Variants in SRRM3 observed in about 807,000 individuals in gnomAD.
The protein encoded by SRRM3 is serine/arginine repetitive matrix 3.
A neutral mutation model predicts 66.2 loss-of-function variants in SRRM3; 27 were observed. The ratio of observed to expected loss-of-function variants is 0.41; its 90% CI spans 0.30 to 0.56. The LOEUF (loss-of-function observed/expected upper bound fraction) is 0.56. SRRM3 is among the 20% of genes least tolerant of loss of function. The pLI, the probability that SRRM3 is intolerant of heterozygous loss-of-function variation, is 0.32. For missense variants in SRRM3, 918 were observed against 991.9 expected, an observed-to-expected ratio of 0.93 and a Z score of 1.00; for synonymous variants, 391 against 414.9, an observed-to-expected ratio of 0.94 and a Z score of 0.70.
intron 2 of SRRM3, among the ~76,000 whole-genome samples, chr7:76,242,497 A>AG (rs1482085118): frequency 6.6e-6 from 1 of 151,408 alleles, no homozygotes; most frequent in African/African-American, 2.4e-5. Context: ...CAAAAAAAAA[A>AG]GAAAATTTTT....
At chr7:76,211,854 A>ATTATTT (rs1563605906) in intron 1 of SRRM3, among the ~76,000 whole-genome samples, 1 of 145,454 alleles carries the variant, frequency 6.9e-6, no homozygotes, top group African/African-American at 2.6e-5. Flanking sequence ...TATTATTATT[A>ATTATTT]TTAGAGACTA....
intron 14 of SRRM3, 44 bp downstream of exon 14, chr7:76,283,145 G>A (rs1354735032): frequency 1.5e-6 from 2 of 1,361,126 alleles, no homozygotes; most frequent in Non-Finnish European, 1.9e-6. Flanking sequence ...GGCTGGGGCC[G>A]CTGACCCGGA....
Position 76,265,346 on chromosome 7 carries a change from T to A in SRRM3, c.726-18T>A, listed in dbSNP as rs1436470445. ...GGGCAGAATTGAGGTACAGGCTGAT[T>A]TCCCCCATCCACGCCAGGCCTCACA... On this transcript the variant is annotated intron_variant, in intron 9 of 14. Transcript: ENST00000611745. 1.6e-5 allele frequency: 25 copies of A among 1,578,572 alleles called. No homozygotes were observed. Among genetic ancestry groups the A allele is most frequent in the African/African-American group, 4.1e-5 (3 of 73,228 alleles).
intron 2 of SRRM3, among the ~76,000 whole-genome samples, chr7:76,240,108 G>A (rs1801246841): frequency 6.6e-6 from 1 of 152,024 alleles, no homozygotes; most frequent in Non-Finnish European, 1.5e-5. Context: ...GGAGATTGTA[G>A]TGAGCTGAGA....
chr7:76,214,364 C>G (rs1392278282), intron 1 of SRRM3, among the ~76,000 whole-genome samples: 1 of 152,200 alleles, frequency 6.6e-6, no homozygotes, highest in Non-Finnish European at 1.5e-5. Flanking sequence ...TCCCACCCAC[C>G]ATCCCTCAGG....
intron 11 of SRRM3, chr7:76,267,976 T>C (rs1802118452): frequency 1.1e-5 from 1 of 88,694 alleles, no homozygotes; most frequent in Non-Finnish European, 2.2e-5. Flanking sequence ...CCCTCCCCCA[T>C]CTCAGTCCCT....
At chr7:76,221,056 CT>C (rs561559244) in intron 1 of SRRM3, among the ~76,000 whole-genome samples, 1,699 of 138,132 alleles carry the variant, frequency 0.012, 24 homozygotes, top group African/African-American at 0.033. Context: ...TCTTACCCGT[CT>C]TTTTTTTTTT....
At chr7:76,283,482 C>T (rs1554612318) in intron 14 of SRRM3, 1 of 456,628 alleles carries the variant, frequency 2.2e-6, no homozygotes. Context: ...TCCCTGCATC[C>T]GTCTCCGGAC....
rs868976532 is a variant in SRRM3 at position 76,285,573 on chromosome 7, G to T, written c.1734-42G>T. On this transcript the variant is annotated intron_variant, in intron 14 of 14. Coordinates refer to ENST00000611745, the MANE Select transcript of SRRM3 (RefSeq NM_001110199.3). The surrounding 1 kb of genome is among the most constrained non-coding windows in gnomAD (Gnocchi z 4.1). Reference sequence around the variant, plus strand: ...CCTGGCCGCTGCTGGGATGGGGCTCGGGGCCTGGGATGGCCTGTAATCAGC... The same window carrying T: ...CCTGGCCGCTGCTGGGATGGGGCTCTGGGCCTGGGATGGCCTGTAATCAGC... 1 of 1,506,826 alleles carries T rather than the reference G, an allele frequency of 6.6e-7. No individual in the cohort carries two copies. The highest frequency in any genetic ancestry group is 9.0e-7 in the Non-Finnish European group (1 of 1,114,070). The allele number at this position is 1,506,826 out of a possible 1,614,324, so 93.3% of individuals were successfully genotyped here.
intron 1 of SRRM3, among the ~76,000 whole-genome samples, chr7:76,211,535 AC>A (rs552285448): frequency 7.6e-4 from 115 of 152,174 alleles, no homozygotes; most frequent in African/African-American, 2.7e-3. Flanking sequence ...CAGGAAGGTC[AC>A]CCTGAAGAGC....
At chr7:76,252,735 T>C (rs1400318354) in intron 3 of SRRM3, among the ~76,000 whole-genome samples, 1 of 152,158 alleles carries the variant, frequency 6.6e-6, no homozygotes, top group Admixed American at 6.6e-5. Context: ...TACTAAAAGG[T>C]CTTGACATCA....
intron 1 of SRRM3, among the ~76,000 whole-genome samples, chr7:76,210,905 C>A (rs531206582): frequency 6.6e-6 from 1 of 152,122 alleles, no homozygotes; most frequent in South Asian, 2.1e-4. Context: ...CAGGTTCAAG[C>A]GATTCTCCTG....
chr7:76,232,604 C>A (rs2116989922), intron 1 of SRRM3, among the ~76,000 whole-genome samples: 1 of 151,726 alleles, frequency 6.6e-6, no homozygotes, highest in African/African-American at 2.4e-5. Flanking sequence ...AGGGTGACAC[C>A]AGCCAGAGGG....
chr7:76,255,467 G>A (rs943364012), intron 3 of SRRM3, among the ~76,000 whole-genome samples: 32 of 150,830 alleles, frequency 2.1e-4, no homozygotes, highest in African/African-American at 6.3e-4. Context: ...TTAAAGATGG[G>A]GTCTCGCTGT....
intron 1 of SRRM3, among the ~76,000 whole-genome samples, chr7:76,208,955 C>T (rs899255193): frequency 8.6e-5 from 13 of 151,822 alleles, no homozygotes; most frequent in Non-Finnish European, 1.0e-4. Context: ...AAACATTAGC[C>T]GAGCATGGTG....
intron 1 of SRRM3, among the ~76,000 whole-genome samples, chr7:76,223,009 C>T (rs544647839): frequency 5.3e-5 from 8 of 152,260 alleles, no homozygotes; most frequent in South Asian, 2.1e-4. Flanking sequence ...TCCTTTGTCC[C>T]GCCAACTCCT....
At chr7:76,263,395 G>A (rs1317104849) in intron 8 of SRRM3, among the ~76,000 whole-genome samples, 1 of 152,218 alleles carries the variant, frequency 6.6e-6, no homozygotes, top group Non-Finnish European at 1.5e-5. Context: ...GCTGAGGATT[G>A]GGGTTGGGTG....
intron 8 of SRRM3, among the ~76,000 whole-genome samples, chr7:76,261,946 C>T (rs1801883320): frequency 6.6e-6 from 1 of 151,402 alleles, no homozygotes; most frequent in African/African-American, 2.4e-5. Flanking sequence ...CCTCTGTGAG[C>T]TGGGAGGGCT....
chr7:76,205,557 C>A (rs1800280183), intron 1 of SRRM3, among the ~76,000 whole-genome samples: 2 of 152,182 alleles, frequency 1.3e-5, no homozygotes, highest in Admixed American at 1.3e-4. Context: ...CTATTTTCCC[C>A]AAAATTCCAT....
Sources: gnomAD v4.1 joint callset for allele counts (sites outside exome capture counted in the v4.1 genomes callset) on GRCh38, gnomAD v4.1.1 for gene constraint, Gnocchi (gnomAD v3.1) non-coding constraint, MANE v1.5 for transcripts, NCBI Gene and HGNC (gene_info 2026-07-23, HGNC 2026-07-21) for gene names.